NEXMIF: variants seen among roughly 807,000 people sequenced by gnomAD.
NEXMIF encodes the protein neurite extension and migration factor.
NEXMIF carries 8 observed loss-of-function variants against 62.1 expected under a neutral mutation model. The observed-to-expected ratio is 0.13, with a 90% CI of 0.08 to 0.23. The LOEUF (loss-of-function observed/expected upper bound fraction) is 0.23, where lower values mean the gene tolerates loss of function less well. Among genes scored for constraint, NEXMIF ranks in the 10% least tolerant of loss-of-function variants. NEXMIF has a pLI of 1.00. For synonymous variants in NEXMIF, 404 were observed against 416.6 expected (o/e 0.97, Z 0.37); for missense variants, 976 against 1,113.3 (o/e 0.88, Z 1.75).
chrX:74,799,870 T>C (rs1451367770), intron 1 of NEXMIF, among the ~76,000 whole-genome samples: 1 of 111,408 alleles, frequency 9.0e-6, no homozygotes, highest in Non-Finnish European at 1.9e-5. Context: ...TCTTGTTAAG[T>C]ACCTAACAAG....
In NEXMIF at chrX:74,740,374, T is replaced by A. The variant is rs761850705; in HGVS notation, c.4183A>T (p.Ile1395Phe). Residue 1395 changes from isoleucine to phenylalanine, a missense_variant, in exon 3 of 4, where the codon ATC (isoleucine) becomes TTC (phenylalanine). Coordinates refer to ENST00000055682, the MANE Select transcript of NEXMIF (RefSeq NM_001008537.3). Reference sequence around the variant, plus strand: ...CCATTGCTTTTGCTCACACCCTTGATTGACCTGTGATTCTTAGTGGCTCCT... The same window carrying A: ...CCATTGCTTTTGCTCACACCCTTGAATGACCTGTGATTCTTAGTGGCTCCT... ...SQGATKNHRSIKGVSKSNGKT... is the reference protein window; with the variant it reads ...SQGATKNHRSFKGVSKSNGKT... 8.3e-7 allele frequency: 1 copy of A among 1,212,064 alleles called. No homozygotes were observed. Among genetic ancestry groups the A allele is most frequent in the Admixed American group, 2.2e-5 (1 of 46,092 alleles).
chrX:74,804,640 T>C lies in NEXMIF; in HGVS notation c.-47-58943A>G, dbSNP rs931667331. On this transcript the variant is annotated intron_variant, in intron 1 of 3. Transcript: ENST00000055682. The stretch of plus-strand genomic sequence containing the variant: ...TATCCAAGATGCTAGACAAAGTCCT[T>C]CCCACTCTTCCCTCTCCTCTCTTCA... Among the ~76,000 whole-genome samples, 7 of 111,833 alleles carry C rather than the reference T, an allele frequency of 6.3e-5. No homozygotes were observed. The South Asian group carries it at 2.7e-3, about 43-fold the overall frequency.
intron 1 of NEXMIF, among the ~76,000 whole-genome samples, chrX:74,789,323 C>T (rs1211160810): frequency 9.4e-6 from 1 of 105,989 alleles, no homozygotes; most frequent in South Asian, 4.4e-4. Flanking sequence ...TTTATGGCTG[C>T]ATAGTATTCC....
chrX:74,772,304 C>T (rs1029737119), intron 1 of NEXMIF, among the ~76,000 whole-genome samples: 12 of 112,133 alleles, frequency 1.1e-4, no homozygotes, highest in Non-Finnish European at 2.3e-4. Flanking sequence ...TTCACATGGC[C>T]CTAGTATAAT....
chrX:74,749,868 T>C (rs1326108127), intron 1 of NEXMIF, among the ~76,000 whole-genome samples: 1 of 112,025 alleles, frequency 8.9e-6, no homozygotes, highest in East Asian at 2.8e-4. Context: ...TATAACATGG[T>C]ATGTACTTTA....
chrX:74,814,318 C>T (rs1259688658), intron 1 of NEXMIF, among the ~76,000 whole-genome samples: 1 of 111,641 alleles, frequency 9.0e-6, no homozygotes, highest in African/African-American at 3.3e-5. Context: ...AGTTTGTATC[C>T]TGAATGACTG....
intron 1 of NEXMIF, among the ~76,000 whole-genome samples, chrX:74,908,264 CTT>C (rs1265411637): frequency 8.9e-6 from 1 of 111,994 alleles, no homozygotes; most frequent in Non-Finnish European, 1.9e-5. Flanking sequence ...TGAGAGTGCT[CTT>C]GTCTAGTATA....
intron 1 of NEXMIF, among the ~76,000 whole-genome samples, chrX:74,907,247 G>A (rs1383153722): frequency 9.0e-6 from 1 of 111,218 alleles, no homozygotes; most frequent in Non-Finnish European, 1.9e-5. Flanking sequence ...ATGAGTGACA[G>A]GAGGTAGTTT....
intron 1 of NEXMIF, among the ~76,000 whole-genome samples, chrX:74,876,558 G>A (rs1396512833): frequency 9.5e-6 from 1 of 105,192 alleles, no homozygotes; most frequent in African/African-American, 3.5e-5. Context: ...TTGACTTTCT[G>A]TCTCGTTGAT....
At chrX:74,793,470 C>T (rs1266110071) in intron 1 of NEXMIF, among the ~76,000 whole-genome samples, 2 of 110,181 alleles carry the variant, frequency 1.8e-5, no homozygotes, top group Non-Finnish European at 3.8e-5. Context: ...TTGCTCTTCT[C>T]GAGGAGTATC....
chrX:74,898,537 G>A (rs1167786162), intron 1 of NEXMIF, among the ~76,000 whole-genome samples: 1 of 111,371 alleles, frequency 9.0e-6, no homozygotes, highest in African/African-American at 3.3e-5. Flanking sequence ...GAAATATAAA[G>A]TATAGACTTT....
intron 1 of NEXMIF, among the ~76,000 whole-genome samples, chrX:74,873,933 T>G (rs1447085383): frequency 5.4e-5 from 6 of 111,503 alleles, no homozygotes; most frequent in African/African-American, 6.5e-5. Flanking sequence ...TTTCTCCCAT[T>G]TTGTAGGCTG....
chrX:74,769,906 T>C, intron 1 of NEXMIF: 1 of 276,901 alleles, frequency 3.6e-6, no homozygotes. Flanking sequence ...CCCCTGTTGT[T>C]ATATACACAG....
rs750628228 is a variant in NEXMIF, at chrX:74,744,283, T to A, written c.274A>T (p.Asn92Tyr). The A allele has an allele frequency of 8.3e-7, 1 of 1,209,577 alleles. No individual in the cohort carries two copies. Among genetic ancestry groups the A allele is most frequent in the Non-Finnish European group, 1.1e-6 (1 of 894,987 alleles). ...GLIEAPEHAA[N>Y]SASVNAISLT... is the part of the protein sequence containing the mutation. ...GAGATGGCATTCACAGAAGCACTAT[T>A]AGCAGCATGTTCGGGTGCTTCAATC... The change falls in exon 3 of 4, where the codon AAT becomes TAT. Residue 92 changes from asparagine (N) to tyrosine (Y), a missense_variant. Asn to Tyr is a moderately radical substitution (Grantham distance 143). Coordinates refer to ENST00000055682, the MANE Select transcript of NEXMIF (RefSeq NM_001008537.3).
intron 1 of NEXMIF, among the ~76,000 whole-genome samples, chrX:74,890,122 T>A (rs935708274): frequency 9.1e-6 from 1 of 110,218 alleles, no homozygotes; most frequent in African/African-American, 3.3e-5. Flanking sequence ...CCCATGAGCC[T>A]CTATCCCCAT....
intron 1 of NEXMIF, among the ~76,000 whole-genome samples, chrX:74,886,231 AC>A (rs2080692486): frequency 8.9e-6 from 1 of 111,883 alleles, no homozygotes; most frequent in Non-Finnish European, 1.9e-5. Flanking sequence ...CCCTTTGAAA[AC>A]TGGCACAAGA....
chrX:74,904,557 T>A (rs1003616089), intron 1 of NEXMIF, among the ~76,000 whole-genome samples: 1 of 111,911 alleles, frequency 8.9e-6, no homozygotes. Context: ...ACAAAAGTTG[T>A]ACAAGAAAAA....
chrX:74,799,113 C>T (rs1269916336), intron 1 of NEXMIF, among the ~76,000 whole-genome samples: 2 of 111,498 alleles, frequency 1.8e-5, no homozygotes, highest in Non-Finnish European at 3.8e-5. Flanking sequence ...GATCCTCCCA[C>T]CTCAGCCTCC....
intron 1 of NEXMIF, among the ~76,000 whole-genome samples, chrX:74,862,700 A>G (rs2080562362): frequency 8.9e-6 from 1 of 112,088 alleles, no homozygotes; most frequent in African/African-American, 3.2e-5. Flanking sequence ...AAGTCACACA[A>G]CTACATGGAA....
Sources: gnomAD v4.1 joint callset for allele counts (sites outside exome capture counted in the v4.1 genomes callset) on GRCh38, gnomAD v4.1.1 for gene constraint, MANE v1.5 for transcripts, NCBI Gene and HGNC (gene_info 2026-07-23, HGNC 2026-07-21) for gene names.